The following IFT43 variants were observed in gnomAD, a reference collection of about 807,000 sequenced individuals.
IFT43 encodes the protein intraflagellar transport 43, also known as intraflagellar transport protein 43 homolog.
A neutral mutation model predicts 32.3 loss-of-function variants in IFT43; 33 were observed. The observed-to-expected ratio is 1.02, with a 90% CI of 0.77 to 1.37. IFT43 has a LOEUF of 1.37. IFT43 is among the 40% of genes most tolerant of loss of function. The pLI, the probability that IFT43 is intolerant of heterozygous loss-of-function variation, is 0.00. For synonymous variants in IFT43, 93 were observed against 98.2 expected (o/e 0.95, Z 0.31); for missense variants, 274 against 265.9 (o/e 1.03, Z -0.21).
At chr14:76,028,529 A>T (rs541745026) in intron 3 of IFT43, among the ~76,000 whole-genome samples, 25 of 152,256 alleles carry the variant, frequency 1.6e-4, no homozygotes, top group Middle Eastern at 6.8e-3. Flanking sequence ...GGTATGTTGC[A>T]TGATGCTGAG....
Position 76,069,047 on chromosome 14 carries a change from T to C in IFT43, c.295+9674T>C, listed in dbSNP as rs536664758. The stretch of plus-strand genomic sequence containing the variant: ...GAGAGAAATACCTGAGACTGGGCAA[T>C]GTATAAAGAAAAAGATGCTCAACTG... On this transcript the variant is annotated intron_variant, in intron 5 of 8. Transcript: ENST00000314067. Among the ~76,000 whole-genome samples, 7 of 152,082 alleles carry C rather than the reference T, an allele frequency of 4.6e-5. No homozygotes were observed. In the South Asian group the frequency reaches 1.5e-3, roughly 32 times the overall value.
chr14:75,993,931 GT>G (rs2035690612), intron 2 of IFT43, among the ~76,000 whole-genome samples: 1 of 152,072 alleles, frequency 6.6e-6, no homozygotes, highest in South Asian at 2.1e-4. Context: ...CATTTCATTG[GT>G]CAGAACTGGA....
At position 76,022,310 on chromosome 14, in the gene IFT43, C is replaced by G; in HGVS notation, c.148-17C>G. 1 of 1,607,040 alleles carries G rather than the reference C, an allele frequency of 6.2e-7. No homozygotes were observed. Among genetic ancestry groups the G allele is most frequent in the East Asian group, 2.2e-5 (1 of 44,812 alleles). On this transcript the variant is annotated splice_polypyrimidine_tract_variant and intron_variant, in intron 2 of 8. Coordinates refer to ENST00000314067, the MANE Select transcript of IFT43 (RefSeq NM_001102564.3). ...ATGTTGAGTGAATGTGTTCTTTTGA[C>G]TTCTCTTTCCTTGTAGACTTCCTCT...
intron 2 of IFT43, among the ~76,000 whole-genome samples, chr14:76,007,608 G>A (rs1333985409): frequency 3.3e-5 from 5 of 152,160 alleles, no homozygotes; most frequent in South Asian, 2.1e-4. Context: ...TTCTTAGAGT[G>A]TTGGGAATTT....
intron 2 of IFT43, among the ~76,000 whole-genome samples, chr14:75,995,604 C>A (rs1335591506): frequency 6.6e-6 from 1 of 152,192 alleles, no homozygotes; most frequent in South Asian, 2.1e-4. Flanking sequence ...TTACGTCTCT[C>A]GCCCTCCGCC....
chr14:75,995,066 A>G (rs2035718380), intron 2 of IFT43, among the ~76,000 whole-genome samples: 1 of 152,214 alleles, frequency 6.6e-6, no homozygotes, highest in African/African-American at 2.4e-5. Context: ...AACAGTTGCT[A>G]GCTATCTGTT....
chr14:76,063,244 C>A (rs1317494479), intron 5 of IFT43, among the ~76,000 whole-genome samples: 1 of 152,186 alleles, frequency 6.6e-6, no homozygotes, highest in Non-Finnish European at 1.5e-5. Context: ...CCTGAACGCG[C>A]CAGATCTCGT....
At chr14:76,065,323 G>A (rs1399145536) in intron 5 of IFT43, among the ~76,000 whole-genome samples, 3 of 152,094 alleles carry the variant, frequency 2.0e-5, no homozygotes, top group East Asian at 3.8e-4. Context: ...AAACAAATCA[G>A]TAGGAAAGTT....
rs1183274383 is a variant in IFT43, at chr14:75,999,259, ATATATATATATATGTATATATATT to A, written c.147+10284_147+10307del. On this transcript the variant is annotated intron_variant, in intron 2 of 8. Coordinates refer to ENST00000314067, the MANE Select transcript of IFT43 (RefSeq NM_001102564.3). ...TATATATATATATATATATATATAT[ATATATATATATATGTATATATATT>A]TTTTTTTTTTTTTTTTTAATTTTTT... 3.5e-3 allele frequency among the ~76,000 whole-genome samples: 75 copies of A among 21,542 alleles called. 1 individual carries two copies. The highest frequency in any genetic ancestry group is 5.0e-3 in the African/African-American group (17 of 3,420). The allele number at this position is 21,542 out of a possible 152,430, so 14.1% of individuals were successfully genotyped here.
At chr14:76,068,145 C>G (rs1320571853) in intron 5 of IFT43, among the ~76,000 whole-genome samples, 4 of 152,166 alleles carry the variant, frequency 2.6e-5, no homozygotes, top group Non-Finnish European at 1.5e-5. Flanking sequence ...GCCATGAGTT[C>G]AGAAGAGGAA....
chr14:76,058,535 T>G, intron 3 of IFT43, 107 bp from the exon 4 acceptor site: 534 of 1,312,920 alleles, frequency 4.1e-4, no homozygotes, highest in Middle Eastern at 7.3e-4. Flanking sequence ...ATAAAGCACT[T>G]GAGATATACT....
intron 2 of IFT43, among the ~76,000 whole-genome samples, chr14:75,994,412 GTC>G (rs2035703774): frequency 6.6e-6 from 1 of 152,156 alleles, no homozygotes; most frequent in African/African-American, 2.4e-5. Context: ...TCACTTAACT[GTC>G]TAATTTTAAA....
chr14:75,993,680 C>T (rs1255540985), intron 2 of IFT43, among the ~76,000 whole-genome samples: 3 of 152,296 alleles, frequency 2.0e-5, no homozygotes, highest in African/African-American at 7.2e-5. Context: ...TGGGTGCAGT[C>T]ACTGGAGCAT....
chr14:75,992,999 A>G (rs576557054), intron 2 of IFT43, among the ~76,000 whole-genome samples: 4 of 152,280 alleles, frequency 2.6e-5, no homozygotes, highest in South Asian at 4.1e-4. Context: ...TCATTTTCCT[A>G]TTATTCCTGT....
At chr14:76,070,759 G>A (rs2037307045) in intron 5 of IFT43, among the ~76,000 whole-genome samples, 1 of 152,002 alleles carries the variant, frequency 6.6e-6, no homozygotes. Flanking sequence ...GTTTAAGTGT[G>A]TGGCGCCTCC....
At chr14:76,019,119 T>A (rs2036243443) in intron 2 of IFT43, among the ~76,000 whole-genome samples, 2 of 151,948 alleles carry the variant, frequency 1.3e-5, no homozygotes, top group Admixed American at 6.6e-5. Flanking sequence ...TGCAGTTTGA[T>A]GGTTTTCTGA....
intron 5 of IFT43, among the ~76,000 whole-genome samples, chr14:76,065,191 G>C (rs1188802922): frequency 6.6e-6 from 1 of 152,118 alleles, no homozygotes; most frequent in Admixed American, 6.5e-5. Context: ...GAGAAACTCT[G>C]GTCCTCTGAC....
rs185344950 is a variant in IFT43, at chr14:76,019,503, A to G, written c.148-2824A>G. 1.3e-3 allele frequency among the ~76,000 whole-genome samples: 192 copies of G among 147,614 alleles called. 1 individual carries two copies. The highest frequency in any genetic ancestry group is 4.7e-3 in the African/African-American group (188 of 39,866). On this transcript the variant is annotated intron_variant, in intron 2 of 8. Coordinates refer to ENST00000314067, the MANE Select transcript of IFT43 (RefSeq NM_001102564.3). ...TCCTCCTGTTGTTTTTTTGAATTTT[A>G]TCTTTGTCTTTGACTTGACATTTTG...
At position 75,988,928 on chromosome 14, in the gene IFT43, C is replaced by A. The variant is rs1340318259; in HGVS notation, c.98C>A (p.Ala33Asp). Residue 33 changes from alanine to aspartate, a missense_variant, in exon 2 of 9, where the codon GCC becomes GAC. Physicochemically the swap from Ala to Asp is moderately radical, Grantham distance 126. Coordinates refer to ENST00000314067, the MANE Select transcript of IFT43 (RefSeq NM_001102564.3). ...GRRAQQESAQ[A>D]ENHLNGKNSS... ...CGAGCTCAACAGGAGTCAGCGCAGG[C>A]CGAGAATCACCTCAATGGCAAGAAT... 1 of 1,613,844 alleles carries A rather than the reference C, an allele frequency of 6.2e-7. No individual in the cohort carries two copies. The highest frequency in any genetic ancestry group is 8.5e-7 in the Non-Finnish European group (1 of 1,180,018).
Sources: allele counts gnomAD v4.1 joint callset (sites outside exome capture counted in the v4.1 genomes callset), GRCh38; gene constraint gnomAD v4.1.1; transcripts MANE v1.5; gene names NCBI Gene and HGNC (gene_info 2026-07-23, HGNC 2026-07-21).